The following ATP6V1C2 variants were observed in gnomAD, a reference collection of about 807,000 sequenced individuals.
ATP6V1C2 encodes V-type proton ATPase subunit C 2.
ATP6V1C2 carries 45 observed loss-of-function variants against 56.8 expected under a neutral mutation model. The ratio of observed to expected loss-of-function variants is 0.79; its 90% CI spans 0.62 to 1.02. The LOEUF is 1.02. Ranked by LOEUF, ATP6V1C2 falls within the 50% of genes least tolerant of loss-of-function variation. The pLI is 0.00. For missense variants in ATP6V1C2, 463 were observed against 519.7 expected (o/e 0.89, Z 1.06); for synonymous variants, 220 against 201.3 (o/e 1.09, Z -0.79).
At chr2:10,748,500 G>A (rs1195109578) in intron 3 of ATP6V1C2, among the ~76,000 whole-genome samples, 1 of 152,102 alleles carries the variant, frequency 6.6e-6, no homozygotes, top group African/African-American at 2.4e-5. Flanking sequence ...AGGCTGGAGA[G>A]TTTAGACAAA....
intron 3 of ATP6V1C2, among the ~76,000 whole-genome samples, chr2:10,747,853 T>TTTTTTC (rs1000026625): frequency 5.9e-5 from 9 of 152,166 alleles, no homozygotes; most frequent in South Asian, 2.1e-4. Context: ...TTTTGACTTT[T>TTTTTTC]TTTTTCTTTT....
At chr2:10,754,143 C>T (rs1663382270) in intron 4 of ATP6V1C2, 77 bp downstream of exon 4, 9 of 1,246,528 alleles carry the variant, frequency 7.2e-6, no homozygotes, top group Non-Finnish European at 9.1e-6. Context: ...GCTGTGGCCA[C>T]ACAGCAATCA....
At position 10,784,406 on chromosome 2, in the gene ATP6V1C2, C is replaced by T. The variant is rs1558435113; in HGVS notation, c.*1143C>T. 5 of 1,096,690 alleles carry T rather than the reference C, an allele frequency of 4.6e-6. No individual in the cohort carries two copies. The highest frequency in any genetic ancestry group is 1.4e-5 in the South Asian group (1 of 70,614). 67.9% of individuals were successfully genotyped at this position (1,096,690 alleles called of 1,614,324 possible). A position where few individuals can be genotyped will look rare whatever the true frequency, so the allele number is the denominator to read the frequency against. The stretch of plus-strand genomic sequence containing the variant: ...GTCAACATCTCATTTTATGGAAGAG[C>T]GACTCTCTGGAGCTACTCCTGCTAC... On this transcript the variant is annotated 3_prime_UTR_variant, in exon 14 of 14. Transcript: ENST00000272238.
chr2:10,771,413 C>G (rs1168895620), intron 6 of ATP6V1C2, among the ~76,000 whole-genome samples: 1 of 152,206 alleles, frequency 6.6e-6, no homozygotes, highest in South Asian at 2.1e-4. Context: ...TGACACGGAG[C>G]TCTATCGAGG....
chr2:10,774,894 A>G lies in ATP6V1C2; in HGVS notation c.731+14A>G, dbSNP rs2969881. The G allele has an allele frequency of 0.34, 556,135 of 1,613,354 alleles. 97,428 individuals carry two copies. Among genetic ancestry groups the G allele is most frequent in the Admixed American group, 0.45 (26,857 of 60,010 alleles). Reference sequence around the variant, plus strand: ...CAAAGAAAACAAGTAAGGGTCCTCCAGGTTTGGTTCATCTCCCGCTGCGGG... The same window carrying G: ...CAAAGAAAACAAGTAAGGGTCCTCCGGGTTTGGTTCATCTCCCGCTGCGGG... On this transcript the variant is annotated intron_variant, in intron 9 of 13. Transcript: ENST00000272238.
chr2:10,745,797 G>A (rs1003913479), intron 3 of ATP6V1C2, among the ~76,000 whole-genome samples: 2 of 152,080 alleles, frequency 1.3e-5, no homozygotes, highest in Admixed American at 1.3e-4. Context: ...CCAGGCCCTG[G>A]CAACTACCTT....
At chr2:10,770,241 A>G (rs1285538444) in intron 6 of ATP6V1C2, among the ~76,000 whole-genome samples, 2 of 152,150 alleles carry the variant, frequency 1.3e-5, no homozygotes, top group Non-Finnish European at 2.9e-5. Flanking sequence ...TCTACTAAAA[A>G]TACAAAATTA....
chr2:10,774,171 T>C (rs1456143725), intron 8 of ATP6V1C2, among the ~76,000 whole-genome samples: 2 of 152,224 alleles, frequency 1.3e-5, no homozygotes, highest in Non-Finnish European at 1.5e-5. Flanking sequence ...CCTATGGGCA[T>C]GGGCTCTGAG....
intron 3 of ATP6V1C2, among the ~76,000 whole-genome samples, chr2:10,751,296 C>A (rs1389872455): frequency 6.6e-6 from 1 of 152,100 alleles, no homozygotes; most frequent in African/African-American, 2.4e-5. Context: ...CCAAAACAGT[C>A]CACCCAGGTT....
intron 10 of ATP6V1C2, 117 bp downstream of exon 10, chr2:10,775,188 C>T (rs1664884234): frequency 1.6e-5 from 13 of 798,290 alleles, no homozygotes; most frequent in Middle Eastern, 3.3e-4. Flanking sequence ...CTCCTGGGCT[C>T]ACACCATGGG....
At chr2:10,725,558 G>C (rs563748327) in intron 2 of ATP6V1C2, among the ~76,000 whole-genome samples, 5 of 137,732 alleles carry the variant, frequency 3.6e-5, no homozygotes, top group Admixed American at 7.6e-5. Flanking sequence ...GCAGTGGTGC[G>C]ATCTTGGCTC....
chr2:10,753,860 A>G (rs1663361427), intron 3 of ATP6V1C2, 121 bp from the exon 4 acceptor site: 1 of 863,576 alleles, frequency 1.2e-6, no homozygotes, highest in Non-Finnish European at 1.9e-6. Context: ...CCCTCTTCAT[A>G]CATCTTGCCA....
chr2:10,778,969 G>A (rs1665172312), intron 12 of ATP6V1C2, among the ~76,000 whole-genome samples: 1 of 152,128 alleles, frequency 6.6e-6, no homozygotes, highest in African/African-American at 2.4e-5. Context: ...CCCCACCCTC[G>A]TGAAGCCCGC....
At chr2:10,740,953 C>G (rs12993145) in intron 3 of ATP6V1C2, among the ~76,000 whole-genome samples, 9,072 of 152,334 alleles carry the variant, frequency 0.06, 904 homozygotes, top group African/African-American at 0.21. Context: ...TCCCAAAGTG[C>G]TGGGATTACA....
At chr2:10,729,846 C>A (rs1418146149) in intron 3 of ATP6V1C2, among the ~76,000 whole-genome samples, 2 of 152,176 alleles carry the variant, frequency 1.3e-5, no homozygotes, top group Non-Finnish European at 1.5e-5. Flanking sequence ...CAGATTGAGA[C>A]CCTGGCTGTG....
At chr2:10,736,158 T>G (rs1445440309) in intron 3 of ATP6V1C2, among the ~76,000 whole-genome samples, 1 of 149,652 alleles carries the variant, frequency 6.7e-6, no homozygotes, top group African/African-American at 2.6e-5. Context: ...AGAACCTGCA[T>G]TTCTACGAGT....
chr2:10,735,051 C>T (rs1377356228), intron 3 of ATP6V1C2, among the ~76,000 whole-genome samples: 1 of 151,868 alleles, frequency 6.6e-6, no homozygotes, highest in East Asian at 1.9e-4. Context: ...AGCCATTGCA[C>T]TCCAGCCTTG....
At chr2:10,739,942 A>G (rs1332394338) in intron 3 of ATP6V1C2, among the ~76,000 whole-genome samples, 9 of 148,964 alleles carry the variant, frequency 6.0e-5, no homozygotes, top group African/African-American at 2.2e-4. Flanking sequence ...TCTACTAAAA[A>G]TACAAAAAAA....
At position 10,784,968 on chromosome 2, in the gene ATP6V1C2, A is replaced by G. The variant is rs760425426; in HGVS notation, c.*1705A>G. 5 of 1,592,688 alleles carry G rather than the reference A, an allele frequency of 3.1e-6. No homozygotes were observed. In the African/African-American group the frequency reaches 5.4e-5, roughly 17 times the overall value. ...CCTGCCGTCCCAAGGCTCTCTCTCA[A>G]CGATGGTAGGGAAAGCCCCGCCTCC... On this transcript the variant is annotated 3_prime_UTR_variant, in exon 14 of 14. Transcript: ENST00000272238.
Sources: gnomAD v4.1 joint callset for allele counts (sites outside exome capture counted in the v4.1 genomes callset) on GRCh38, gnomAD v4.1.1 for gene constraint, MANE v1.5 for transcripts, NCBI Gene and HGNC (gene_info 2026-07-23, HGNC 2026-07-21) for gene names.